Variants in SEMA7A observed in about 807,000 individuals in gnomAD.
The protein encoded by SEMA7A is semaphorin-7A.
Under a neutral mutation model 67.5 loss-of-function variants are expected in SEMA7A, and 21 were observed. The ratio of observed to expected loss-of-function variants is 0.31; its 90% confidence interval spans 0.22 to 0.45. SEMA7A has a LOEUF of 0.45. SEMA7A is among the 20% of genes least tolerant of loss of function. The probability of loss-of-function intolerance (pLI) is 1.00; values close to 1 mark genes in which losing one functional copy is unlikely to be tolerated. For synonymous variants in SEMA7A, 364 were observed against 368.5 expected, an observed-to-expected ratio of 0.99 and a Z score of 0.14; for missense variants, 774 against 908.6, an observed-to-expected ratio of 0.85 and a Z score of 1.90.
chr15:74,412,580 T>C (rs1312523675), intron 10 of SEMA7A, among the ~76,000 whole-genome samples: 1 of 152,060 alleles, frequency 6.6e-6, no homozygotes, highest in Admixed American at 6.6e-5. Context: ...TTTGGAGTAA[T>C]TTTAGATTCC....
chr15:74,410,975 T>C lies in SEMA7A; in HGVS notation c.1650A>G (p.Pro550=). 1.2e-6 allele frequency: 2 copies of C among 1,612,236 alleles called. No individual in the cohort carries two copies. Among genetic ancestry groups the C allele is most frequent in the Non-Finnish European group, 1.7e-6 (2 of 1,179,140 alleles). Residue 550 remains proline, a synonymous_variant, in exon 14 of 14, where the codon CCA becomes CCG. Coordinates refer to ENST00000261918, the MANE Select transcript of SEMA7A (RefSeq NM_003612.5). This position sits in a 1 kb window ranked among gnomAD's most constrained non-coding sequence, Gnocchi z 7.5. ...TTGGGGCCAGGGAAACCTTCTGCAGTGGGGCCTTGTCTGGGGAGGCAGTGG... is the reference window on the plus strand; with the variant it reads ...TTGGGGCCAGGGAAACCTTCTGCAGCGGGGCCTTGTCTGGGGAGGCAGTGG... The part of the protein sequence containing the change: ...ECPNPKPDKA[P]LQKVSLAPNS...
intron 7 of SEMA7A, 87 bp downstream of exon 7, chr15:74,416,488 A>G: frequency 7.0e-7 from 1 of 1,424,104 alleles, no homozygotes. Context: ...CACAACTTCT[A>G]CATGCACACG....
intron 1 of SEMA7A, chr15:74,433,508 G>A (rs1030944187): frequency 3.4e-6 from 4 of 1,167,000 alleles, no homozygotes; most frequent in Non-Finnish European, 4.3e-6. Flanking sequence ...CGACTTAGCC[G>A]GGGCTCCGGC....
chr15:74,417,647 T>C lies in SEMA7A; in HGVS notation c.494A>G (p.Glu165Gly), dbSNP rs1259662915. 1.2e-6 allele frequency: 2 copies of C among 1,612,308 alleles called. No individual in the cohort carries two copies. The highest frequency in any genetic ancestry group is 1.7e-6 in the Non-Finnish European group (2 of 1,179,870). Residue 165 changes from glutamate (E) to glycine (G), a missense_variant, in exon 5 of 14, where the codon GAG (glutamate) becomes GGG (glycine). This residue lies in a region of SEMA7A where 347 missense variants were observed against 353.2 expected (regional missense o/e 0.98). Transcript: ENST00000261918. The stretch of plus-strand genomic sequence containing the variant: ...GCTGAAGGGGGCGTAGCCTCTCATC[T>C]CGCCAAGTGGCACCACAGTGCCATT... ...LVNGTVVPLG[E>G]MRGYAPFSPD...
At chr15:74,431,044 C>T (rs1183287535) in intron 1 of SEMA7A, among the ~76,000 whole-genome samples, 1 of 152,200 alleles carries the variant, frequency 6.6e-6, no homozygotes, top group Admixed American at 6.5e-5. Context: ...TTAGCTCCTC[C>T]AACCACTGAT....
At chr15:74,418,362 G>A in intron 2 of SEMA7A, 53 bp from the exon 3 acceptor site, 1 of 1,571,802 alleles carries the variant, frequency 6.4e-7, no homozygotes, top group Non-Finnish European at 8.7e-7. Context: ...AGGTACCCCT[G>A]AAATGCTTTC....
chr15:74,433,263 CGCG>C (rs909996506), intron 1 of SEMA7A, among the ~76,000 whole-genome samples: 2 of 151,390 alleles, frequency 1.3e-5, no homozygotes, highest in East Asian at 2.0e-4. Flanking sequence ...GCTGCCGAAG[CGCG>C]GCGGCGGCGG....
chr15:74,411,026 G>T lies in SEMA7A; in HGVS notation c.1640-41C>A. Reference sequence around the variant, plus strand: ...GGAAGCAGCCGTGAGGAGGGACAAAGAGCTCCCAGGGGAGGATGTGTCCTC... The same window carrying T: ...GGAAGCAGCCGTGAGGAGGGACAAATAGCTCCCAGGGGAGGATGTGTCCTC... On this transcript the variant is annotated intron_variant, in intron 13 of 13. Coordinates refer to ENST00000261918, the MANE Select transcript of SEMA7A (RefSeq NM_003612.5). This position sits in a 1 kb window ranked among gnomAD's most constrained non-coding sequence, Gnocchi z 4.4. The T allele has an allele frequency of 6.3e-7, 1 of 1,584,112 alleles. No homozygotes were observed. The highest frequency in any genetic ancestry group is 1.2e-5 in the South Asian group (1 of 86,862).
At chr15:74,428,542 G>A (rs768331612) in intron 1 of SEMA7A, among the ~76,000 whole-genome samples, 2 of 152,240 alleles carry the variant, frequency 1.3e-5, no homozygotes, top group African/African-American at 2.4e-5. Context: ...ATCCAAGAAG[G>A]TTCCTCAGAG....
chr15:74,432,692 GT>G (rs1217924098), intron 1 of SEMA7A, among the ~76,000 whole-genome samples: 1 of 152,154 alleles, frequency 6.6e-6, no homozygotes, highest in Non-Finnish European at 1.5e-5. Context: ...AAGGCTCCCG[GT>G]GGGGCCAGAC....
chr15:74,410,853 T>TGACCGGTTCGG lies in SEMA7A; in HGVS notation c.1771_1772insCCGAACCGGTC (p.His591ProfsTer146). 6.2e-7 allele frequency: 1 copy of TGACCGGTTCGG among 1,614,224 alleles called. No individual in the cohort carries two copies. Among genetic ancestry groups the TGACCGGTTCGG allele is most frequent in the Non-Finnish European group, 8.5e-7 (1 of 1,180,028 alleles). Reference sequence around the variant, plus strand: ...GAACAGGATGCAGTTGGGGCTCTGGTGACCAGGTTCGCAGCTCTGCTCCAC... The same window carrying TGACCGGTTCGG: ...GAACAGGATGCAGTTGGGGCTCTGGTGACCGGTTCGGGACCAGGTTCGCAGCTCTGCTCCAC... On this transcript the variant is annotated frameshift_variant, in exon 14 of 14. Coordinates refer to ENST00000261918, the MANE Select transcript of SEMA7A (RefSeq NM_003612.5). LOFTEE classifies it low-confidence loss of function (END_TRUNC). This position sits in a 1 kb window ranked among gnomAD's most constrained non-coding sequence, Gnocchi z 7.5.
Position 74,410,434 on chromosome 15 carries a change from T to C in SEMA7A, c.*190A>G. 1 of 723,710 alleles carries C rather than the reference T, an allele frequency of 1.4e-6. No homozygotes were observed. The highest frequency in any genetic ancestry group is 2.2e-6 in the Non-Finnish European group (1 of 457,804). 44.8% of individuals were successfully genotyped at this position (723,710 alleles called of 1,614,324 possible). A position where few individuals can be genotyped will look rare whatever the true frequency, so the allele number is the denominator to read the frequency against. On this transcript the variant is annotated 3_prime_UTR_variant, in exon 14 of 14. Coordinates refer to ENST00000261918, the MANE Select transcript of SEMA7A (RefSeq NM_003612.5). This position sits in a 1 kb window ranked among gnomAD's most constrained non-coding sequence, Gnocchi z 7.5. ...TGCCCTCATTCTCAGCCCCTCACCATCCGTGCGCCACCTGGGGCCCAGCAG... is the reference window on the plus strand; with the variant it reads ...TGCCCTCATTCTCAGCCCCTCACCACCCGTGCGCCACCTGGGGCCCAGCAG...
chr15:74,433,106 C>A (rs2061104503), intron 1 of SEMA7A, among the ~76,000 whole-genome samples: 1 of 152,148 alleles, frequency 6.6e-6, no homozygotes, highest in South Asian at 2.1e-4. Context: ...AGCGGCCGGT[C>A]CCGGCATTGC....
rs2060904846 is a variant in SEMA7A at position 74,411,944 on chromosome 15, C to G, written c.1363G>C (p.Glu455Gln). Reference protein sequence around the residue: ...QEHSFAFNIMEIQPFRRAAAI... With the variant: ...QEHSFAFNIMQIQPFRRAAAI... ...GCCGCGCGGCGGAAGGGCTGGATCTCCATGATGTTGAAGGCGAAGCTGTGC... is the reference window on the plus strand; with the variant it reads ...GCCGCGCGGCGGAAGGGCTGGATCTGCATGATGTTGAAGGCGAAGCTGTGC... The change falls in exon 11 of 14, where the codon GAG becomes CAG. Residue 455 changes from glutamate to glutamine, a missense_variant. By Grantham distance (29) the Glu-to-Gln change is conservative. Transcript: ENST00000261918. The surrounding 1 kb of genome is among the most constrained non-coding windows in gnomAD (Gnocchi z 4.4). 1.2e-6 allele frequency: 2 copies of G among 1,614,072 alleles called. No homozygotes were observed. Among genetic ancestry groups the G allele is most frequent in the East Asian group, 4.5e-5 (2 of 44,892 alleles).
chr15:74,423,623 G>C lies in SEMA7A; in HGVS notation c.179-4671C>G, dbSNP rs568668056. 2.6e-5 allele frequency among the ~76,000 whole-genome samples: 4 copies of C among 152,256 alleles called. No homozygotes were observed. Among genetic ancestry groups the C allele is most frequent in the African/African-American group, 7.2e-5 (3 of 41,550 alleles). ...TCACTAGGTGCCGAGTCACTAACCT[G>C]ATAACTAAAGGGAATCACCCGCCCA... On this transcript the variant is annotated intron_variant, in intron 1 of 13. Transcript: ENST00000261918. The surrounding 1 kb of genome is among the most constrained non-coding windows in gnomAD (Gnocchi z 4.1).
Position 74,427,608 on chromosome 15 carries a change from G to C in SEMA7A, c.178+6133C>G, listed in dbSNP as rs1433371097. Among the ~76,000 whole-genome samples the C allele has an allele frequency of 2.0e-5, 3 of 152,306 alleles. No homozygotes were observed. In the South Asian group the frequency reaches 6.2e-4, roughly 32 times the overall value. ...GGCCTCCCAAAGTGCTGGGATTACA[G>C]GCGTGAGACTCTGTACAAACAACAA... On this transcript the variant is annotated intron_variant, in intron 1 of 13. Coordinates refer to ENST00000261918, the MANE Select transcript of SEMA7A (RefSeq NM_003612.5).
chr15:74,421,871 C>G (rs1485537136), intron 1 of SEMA7A, among the ~76,000 whole-genome samples: 1 of 152,206 alleles, frequency 6.6e-6, no homozygotes, highest in Admixed American at 6.5e-5. Context: ...CAGGGGCTAC[C>G]CCTAAAAAGG....
At chr15:74,418,416 T>C (rs1369091827) in intron 2 of SEMA7A, 107 bp from the exon 3 acceptor site, 1 of 1,116,186 alleles carries the variant, frequency 9.0e-7, no homozygotes, top group East Asian at 2.6e-5. Flanking sequence ...ACCATTATTC[T>C]CATCTGACAG....
chr15:74,426,088 C>G (rs1350360179), intron 1 of SEMA7A, among the ~76,000 whole-genome samples: 2 of 152,126 alleles, frequency 1.3e-5, no homozygotes, highest in Non-Finnish European at 2.9e-5. Context: ...GCCTGGCCAA[C>G]ATGGTGAAAC....
Sources: allele counts gnomAD v4.1 joint callset (sites outside exome capture counted in the v4.1 genomes callset), GRCh38; gene constraint gnomAD v4.1.1; regional missense constraint gnomAD v4.1.1; non-coding constraint Gnocchi (gnomAD v3.1); transcripts MANE v1.5; gene names NCBI Gene and HGNC (gene_info 2026-07-23, HGNC 2026-07-21).